CMPK2: variants seen among roughly 807,000 people sequenced by gnomAD.
CMPK2 encodes UMP-CMP kinase 2, mitochondrial.
A neutral mutation model predicts 33.4 loss-of-function variants in CMPK2; 32 were observed. That is an observed-to-expected ratio of 0.96 (90% CI 0.72 to 1.29). CMPK2 has a LOEUF of 1.29. CMPK2 is among the 50% of genes most tolerant of loss of function. The pLI is 0.00. For synonymous variants in CMPK2, 299 were observed against 275.3 expected, an observed-to-expected ratio of 1.09 and a Z score of -0.85; for missense variants, 672 against 616.0, an observed-to-expected ratio of 1.09 and a Z score of -0.96.
At chr2:6,850,947 G>A (rs553569355) in intron 4 of CMPK2, 47 of 987,616 alleles carry the variant, frequency 4.8e-5, no homozygotes, top group Non-Finnish European at 5.5e-5. Context: ...TTTTAATCCC[G>A]GTTTTACTAG....
At chr2:6,840,630 G>T (rs1384306656) in exon 4 of CMPK2, 2 of 702,170 alleles carry the variant, frequency 2.8e-6, no homozygotes, top group Admixed American at 4.0e-5. Context: ...AAACTTCACT[G>T]CCGAGCAGGT....
At position 6,860,094 on chromosome 2, in the gene CMPK2, A is replaced by T. The variant is rs973972168; in HGVS notation, c.992+1090T>A. On this transcript the variant is annotated intron_variant, in intron 3 of 4. Coordinates refer to ENST00000256722, the MANE Select transcript of CMPK2 (RefSeq NM_207315.4). The stretch of plus-strand genomic sequence containing the variant: ...CCAGCTGAATTTCAGACTTGCATGG[A>T]GCCTGTAGCCCCTTTGTTTTGGTCA... Among the ~76,000 whole-genome samples, 9 of 152,224 alleles carry T rather than the reference A, an allele frequency of 5.9e-5. No individual in the cohort carries two copies. The East Asian group carries it at 1.7e-3, about 29-fold the overall frequency.
rs1164602061 is a variant in CMPK2 at position 6,865,486 on chromosome 2, G to T, written c.211C>A (p.Arg71Ser). 1.6e-6 allele frequency: 2 copies of T among 1,269,354 alleles called. No individual in the cohort carries two copies. Among genetic ancestry groups the T allele is most frequent in the Non-Finnish European group, 2.0e-6 (2 of 1,012,300 alleles). 78.6% of individuals were successfully genotyped at this position (1,269,354 alleles called of 1,614,324 possible). The change falls in exon 1 of 5, where the codon CGC (arginine) becomes AGC (serine). Residue 71 changes from arginine to serine, a missense_variant. Physicochemically the swap from Arg to Ser is moderately radical, Grantham distance 110 (BLOSUM62 -1). Transcript: ENST00000256722. ...ACGGGCACGCACAGCGAGTAGCTGC[G>T]CTCCGGGGGCCCCAGCAGCGCCGCC... Reference protein sequence around the residue: ...RLAALLGPPERSYSLCVPVTP... With the variant: ...RLAALLGPPESSYSLCVPVTP...
chr2:6,840,698 G>A (rs1423798457), intron 3 of CMPK2: 2 of 700,710 alleles, frequency 2.9e-6, no homozygotes, highest in Admixed American at 2.0e-5. Flanking sequence ...GGAAAAGAGA[G>A]GAAAAATCCT....
chr2:6,847,598 T>C (rs73156025), downstream of CMPK2, among the ~76,000 whole-genome samples: 2,932 of 152,262 alleles, frequency 0.019, 107 homozygotes, highest in African/African-American at 0.067. Flanking sequence ...AGGCACTGAC[T>C]GGTGGGCCGA....
At chr2:6,845,717 G>A (rs1462426858), downstream of CMPK2, among the ~76,000 whole-genome samples, 10 of 152,222 alleles carry the variant, frequency 6.6e-5, no homozygotes, top group Admixed American at 5.2e-4. Context: ...TGCAGGGAAT[G>A]TCCTAATACC....
chr2:6,865,961 T>A, upstream of CMPK2: 1 of 1,121,256 alleles, frequency 8.9e-7, no homozygotes, highest in African/African-American at 1.7e-5. Context: ...GGGCCCCAGG[T>A]GCGCGGCTCC....
At position 6,865,876 on chromosome 2, in the gene CMPK2, C is replaced by A; in HGVS notation, c.-180G>T. The A allele has an allele frequency of 2.2e-6, 3 of 1,373,786 alleles. No homozygotes were observed. The highest frequency in any genetic ancestry group is 2.8e-6 in the Non-Finnish European group (3 of 1,065,370). The allele number at this position is 1,373,786 out of a possible 1,614,324, so 85.1% of individuals were successfully genotyped here. On this transcript the variant is annotated 5_prime_UTR_variant, in exon 1 of 5. Transcript: ENST00000256722. Reference sequence around the variant, plus strand: ...GGCAGGAGCCCTGGGGCTGGGGCGCCCTTCCGGCCTCTCCTCCTCGCCGCG... The same window carrying A: ...GGCAGGAGCCCTGGGGCTGGGGCGCACTTCCGGCCTCTCCTCCTCGCCGCG...
chr2:6,864,359 T>G (rs1662981998), intron 1 of CMPK2: 1 of 152,270 alleles, frequency 6.6e-6, no homozygotes, highest in Non-Finnish European at 1.5e-5. Context: ...TCCACAACGC[T>G]GTCCCGTAAG....
At chr2:6,850,776 G>C (rs1485201601) in intron 4 of CMPK2, 2 of 985,184 alleles carry the variant, frequency 2.0e-6, no homozygotes, top group Admixed American at 6.1e-5. Flanking sequence ...GGCTATCATT[G>C]TTCAGTTAGA....
rs566808882 is a variant in CMPK2 at position 6,864,002 on chromosome 2, G to A, written c.676-424C>T. Among the ~76,000 whole-genome samples the A allele has an allele frequency of 3.3e-4, 50 of 152,374 alleles. 1 individual carries two copies. The highest frequency in any genetic ancestry group is 1.2e-3 in the African/African-American group (50 of 41,586). ...ATGTCCTCTCCTAGCCATTCAGGGG[G>A]CTGAGATAAACAGCCAAGCACTGCA... On this transcript the variant is annotated intron_variant, in intron 1 of 4. Transcript: ENST00000256722.
At chr2:6,865,984 G>T (rs925431329), upstream of CMPK2, 1 of 869,478 alleles carries the variant, frequency 1.2e-6, no homozygotes, top group Non-Finnish European at 1.6e-6. Context: ...GGGCCTGCGC[G>T]GTCCCCAGGC....
chr2:6,846,553 A>G (rs1662367624), downstream of CMPK2, among the ~76,000 whole-genome samples: 1 of 152,260 alleles, frequency 6.6e-6, no homozygotes, highest in Non-Finnish European at 1.5e-5. Context: ...AACATTGCAT[A>G]GAAAGAAGAG....
intron 1 of CMPK2, 111 bp from the exon 2 acceptor site, chr2:6,863,689 T>G: frequency 1.4e-6 from 1 of 695,750 alleles, no homozygotes; most frequent in South Asian, 1.8e-5. Context: ...TAAGTTATAC[T>G]GAGCACTGTG....
intron 3 of CMPK2, among the ~76,000 whole-genome samples, chr2:6,841,191 T>A (rs1662224461): frequency 6.6e-6 from 1 of 152,168 alleles, no homozygotes; most frequent in African/African-American, 2.4e-5. Context: ...ATTATTTCAT[T>A]GACTAATGCT....
chr2:6,857,094 T>C (rs1245231129), intron 3 of CMPK2, among the ~76,000 whole-genome samples: 3 of 152,194 alleles, frequency 2.0e-5, no homozygotes, highest in Non-Finnish European at 4.4e-5. Flanking sequence ...AGAGTTTCTA[T>C]TGATCCATAT....
At chr2:6,854,488 A>G (rs1662624852) in intron 3 of CMPK2, among the ~76,000 whole-genome samples, 1 of 152,232 alleles carries the variant, frequency 6.6e-6, no homozygotes, top group South Asian at 2.1e-4. Flanking sequence ...TGACAAGGTG[A>G]TACAGCATTT....
chr2:6,863,593 C>A lies in CMPK2; in HGVS notation c.676-15G>T, dbSNP rs1662951275. The A allele has an allele frequency of 6.3e-7, 1 of 1,599,712 alleles. No individual in the cohort carries two copies. Among genetic ancestry groups the A allele is most frequent in the African/African-American group, 1.3e-5 (1 of 74,394 alleles). ...AAGGAGGTACACTGTAAAACAACGT[C>A]TATCCATCAGCAATGAAGCCAGGGG... On this transcript the variant is annotated splice_polypyrimidine_tract_variant and intron_variant, in intron 1 of 4. Transcript: ENST00000256722.
At position 6,865,537 on chromosome 2, in the gene CMPK2, C is replaced by T; in HGVS notation, c.160G>A (p.Asp54Asn). Residue 54 changes from aspartate (D) to asparagine (N), a missense_variant, in exon 1 of 5, where the codon GAC becomes AAC. Physicochemically the swap from Asp to Asn is conservative, Grantham distance 23 (BLOSUM62 1). Transcript: ENST00000256722. Reference protein sequence around the residue: ...HFALGADAPGDADAPDPRLAA... With the variant: ...HFALGADAPGNADAPDPRLAA... ...AGGCGGGGGTCGGGGGCGTCTGCGT[C>T]GCCGGGGGCGTCGGCGCCTAGGGCG... The T allele has an allele frequency of 7.7e-7, 1 of 1,300,884 alleles. No homozygotes were observed. The highest frequency in any genetic ancestry group is 2.3e-5 in the South Asian group (1 of 44,234). 80.6% of individuals were successfully genotyped at this position (1,300,884 alleles called of 1,614,324 possible). A position where few individuals can be genotyped will look rare whatever the true frequency, so the allele number is the denominator to read the frequency against.
Sources: gnomAD v4.1 joint callset for allele counts (sites outside exome capture counted in the v4.1 genomes callset) on GRCh38, gnomAD v4.1.1 for gene constraint, MANE v1.5 for transcripts, NCBI Gene and HGNC (gene_info 2026-07-23, HGNC 2026-07-21) for gene names.